The following KDSR variants were observed in gnomAD, a reference collection of about 807,000 sequenced individuals.
The protein encoded by KDSR is 3-dehydrosphinganine reductase.
In KDSR, 23 loss-of-function variants were observed where a neutral mutation model predicts 41.3. The observed-to-expected ratio is 0.56, with a 90% CI of 0.40 to 0.79. The LOEUF (loss-of-function observed/expected upper bound fraction) is 0.79, where lower values mean the gene tolerates loss of function less well. Among genes scored for constraint, KDSR ranks in the 30% least tolerant of loss-of-function variants. The pLI is 0.00. For synonymous variants in KDSR, 138 were observed against 151.7 expected, an observed-to-expected ratio of 0.91 and a Z score of 0.66; for missense variants, 351 against 416.8, an observed-to-expected ratio of 0.84 and a Z score of 1.37.
rs754932693 is a variant in KDSR, at chr18:63,331,891, A to G, written c.890T>C (p.Met297Thr). 1 of 1,613,772 alleles carries G rather than the reference A, an allele frequency of 6.2e-7. No homozygotes were observed. The highest frequency in any genetic ancestry group is 1.7e-5 in the Admixed American group (1 of 59,984). ...CAAAGCAATAGTGCGGAAAAGGCCC[A>G]TGGTGACCACCTGCAAGATAAAGAG... Reference protein sequence around the residue: ...ITEGLQQVVTMGLFRTIALFY... With the variant: ...ITEGLQQVVTTGLFRTIALFY... The change falls in exon 10 of 10, where the codon ATG (methionine) becomes ACG (threonine). Residue 297 changes from methionine to threonine, a missense_variant. Coordinates refer to ENST00000645214, the MANE Select transcript of KDSR (RefSeq NM_002035.4).
At chr18:63,347,290 G>T (rs892667355) in intron 6 of KDSR, among the ~76,000 whole-genome samples, 25 of 152,014 alleles carry the variant, frequency 1.6e-4, no homozygotes, top group African/African-American at 5.8e-4. Context: ...GATCACCTGA[G>T]TTCAAGACCA....
At chr18:63,344,323 G>T in intron 7 of KDSR, 87 bp downstream of exon 7, 1 of 881,918 alleles carries the variant, frequency 1.1e-6, no homozygotes, top group Non-Finnish European at 1.8e-6. Flanking sequence ...GTTGATTGGT[G>T]AAAACGAGTG....
intron 7 of KDSR, among the ~76,000 whole-genome samples, chr18:63,343,930 C>T (rs911219944): frequency 6.6e-6 from 1 of 152,064 alleles, no homozygotes; most frequent in Non-Finnish European, 1.5e-5. Flanking sequence ...ATAATCTCAG[C>T]ACCTGGGAGG....
Position 63,350,976 on chromosome 18 carries a change from T to A in KDSR, c.521A>T (p.Gln174Leu), listed in dbSNP as rs750894162. Reference protein sequence around the residue: ...RVGRIVFVSSQAGQLGLFGFT... With the variant: ...RVGRIVFVSSLAGQLGLFGFT... ...ACCGAATAATCCCAACTGTCCTGCC[T>A]GGGAGGACACAAACACGATCCTGCC... is the stretch of plus-strand genomic sequence containing the variant. Residue 174 changes from glutamine (Q) to leucine (L), a missense_variant, in exon 6 of 10, where the codon CAG becomes CTG. By Grantham distance (113) the Gln-to-Leu change is moderately radical (BLOSUM62 -2). Coordinates refer to ENST00000645214, the MANE Select transcript of KDSR (RefSeq NM_002035.4). 8.7e-6 allele frequency: 14 copies of A among 1,613,934 alleles called. No individual in the cohort carries two copies. The African/African-American group carries it at 1.3e-4, about 15-fold the overall frequency.
intron 2 of KDSR, among the ~76,000 whole-genome samples, chr18:63,361,939 C>G (rs1706165950): frequency 1.3e-5 from 2 of 152,200 alleles, no homozygotes; most frequent in South Asian, 4.1e-4. Context: ...AGCCCTCCAC[C>G]CATTTGAGGA....
In KDSR at chr18:63,331,756, C is replaced by T; in HGVS notation, c.*26G>A. 1 of 1,602,882 alleles carries T rather than the reference C, an allele frequency of 6.2e-7. No homozygotes were observed. Among genetic ancestry groups the T allele is most frequent in the Non-Finnish European group, 8.5e-7 (1 of 1,174,092 alleles). On this transcript the variant is annotated 3_prime_UTR_variant, in exon 10 of 10. Transcript: ENST00000645214. The stretch of plus-strand genomic sequence containing the variant: ...GCAAGCTGTTCAAATTATTTGGAAA[C>T]AGTCTTCTTCCAAGGGGTAAGAAGA...
intron 3 of KDSR, among the ~76,000 whole-genome samples, chr18:63,357,594 A>ATATTTTTT (rs1555715128): frequency 7.6e-4 from 92 of 120,764 alleles, no homozygotes; most frequent in South Asian, 2.2e-3. Context: ...ATATATATAT[A>ATATTTTTT]TTTTTTTTTG....
In KDSR at chr18:63,337,094, T is replaced by TTA. The variant is rs369862895; in HGVS notation, c.777+1704_777+1705dup. Among the ~76,000 whole-genome samples, 54 of 38,694 alleles carry TTA rather than the reference T, an allele frequency of 1.4e-3. 1 individual carries two copies. The highest frequency in any genetic ancestry group is 5.6e-3 in the South Asian group (9 of 1,618). The allele number at this position is 38,694 out of a possible 152,430, so 25.4% of individuals were successfully genotyped here. On this transcript the variant is annotated intron_variant, in intron 8 of 9. Coordinates refer to ENST00000645214, the MANE Select transcript of KDSR (RefSeq NM_002035.4). ...ACTTTATATATATATATATGTGACTTTATATATATATATATGTGAATATAT... is the reference window on the plus strand; with the variant it reads ...ACTTTATATATATATATATGTGACTTTATATATATATATATATGTGAATATAT...
chr18:63,359,178 C>CAAAAAAAAAAAAAAAAAAAAAAAAGAA, intron 3 of KDSR, among the ~76,000 whole-genome samples: 1 of 37,082 alleles, frequency 2.7e-5, no homozygotes, highest in Non-Finnish European at 5.4e-5. Context: ...GACACTGCCT[C>CAAAAAAAAAAAAAAAAAAAAAAAAGAA]AAAAAAAAAA....
chr18:63,337,094 T>TATATATATATA (rs1568275938), intron 8 of KDSR, among the ~76,000 whole-genome samples: 1 of 38,702 alleles, frequency 2.6e-5, no homozygotes, highest in African/African-American at 6.6e-5. Flanking sequence ...ATATGTGACT[T>TATATATATATA]TATATATATA....
intron 8 of KDSR, among the ~76,000 whole-genome samples, chr18:63,336,184 C>T (rs1914150357): frequency 2.0e-5 from 3 of 152,312 alleles, no homozygotes; most frequent in Admixed American, 6.5e-5. Flanking sequence ...CATGCACCAC[C>T]ACACCCGGGT....
chr18:63,359,602 C>A, intron 3 of KDSR, 134 bp downstream of exon 3: 1 of 647,042 alleles, frequency 1.5e-6, no homozygotes, highest in Non-Finnish European at 2.8e-6. Flanking sequence ...CTAGACCATT[C>A]AAACAATTCC....
Position 63,335,125 on chromosome 18 carries a change from T to C in KDSR, c.879+132A>G, listed in dbSNP as rs903474670. ...CTGGTGGAGGAAGAGGAAAAGTTGA[T>C]AGCTCCATAAAAATACATTGTCAAA... On this transcript the variant is annotated intron_variant, in intron 9 of 9. Transcript: ENST00000645214. 5 of 603,462 alleles carry C rather than the reference T, an allele frequency of 8.3e-6. No homozygotes were observed. In the African/African-American group the frequency reaches 9.3e-5, roughly 11 times the overall value. 37.4% of individuals were successfully genotyped at this position (603,462 alleles called of 1,614,324 possible).
chr18:63,350,203 A>G (rs1203839455), intron 6 of KDSR, among the ~76,000 whole-genome samples: 2 of 152,194 alleles, frequency 1.3e-5, no homozygotes, highest in Non-Finnish European at 2.9e-5. Flanking sequence ...CCTGTGTGAC[A>G]ATAATGTGGA....
Position 63,365,856 on chromosome 18 carries a change from G to C in KDSR, c.108+1155C>G, listed in dbSNP as rs567154630. 45 of 152,360 alleles carry C rather than the reference G, an allele frequency of 3.0e-4. 1 individual carries two copies. The highest frequency in any genetic ancestry group is 9.9e-4 in the African/African-American group (41 of 41,584). 9.4% of individuals were successfully genotyped at this position (152,360 alleles called of 1,614,324 possible). A position where few individuals can be genotyped will look rare whatever the true frequency, so the allele number is the denominator to read the frequency against. On this transcript the variant is annotated intron_variant, in intron 1 of 9. Transcript: ENST00000645214. The stretch of plus-strand genomic sequence containing the variant: ...CCACACTCTTTCCCCATTAGGAACA[G>C]GAGGTGTTGGAAAAAGCTAATAGCT...
At chr18:63,356,314 G>T (rs578214869) in intron 3 of KDSR, among the ~76,000 whole-genome samples, 6 of 151,864 alleles carry the variant, frequency 4.0e-5, no homozygotes, top group Non-Finnish European at 8.8e-5. Flanking sequence ...CAGGAGAATT[G>T]CTTGACCCTG....
intron 8 of KDSR, among the ~76,000 whole-genome samples, chr18:63,337,113 A>AATATATATATATATAT (rs139383635): frequency 2.3e-5 from 3 of 127,772 alleles, no homozygotes; most frequent in African/African-American, 9.6e-5. Context: ...TATATATGTG[A>AATATATATATATATAT]ATATATATAT....
Position 63,359,718 on chromosome 18 carries a change from C to A in KDSR, c.255+18G>T. On this transcript the variant is annotated intron_variant, in intron 3 of 9. Coordinates refer to ENST00000645214, the MANE Select transcript of KDSR (RefSeq NM_002035.4). ...TGCTGAGTTATACAGAAAATGCATT[C>A]TGAAGACAGAGATTTACCTGTTTGT... The A allele has an allele frequency of 6.5e-7, 1 of 1,546,216 alleles. No individual in the cohort carries two copies. The highest frequency in any genetic ancestry group is 8.9e-7 in the Non-Finnish European group (1 of 1,120,244).
At position 63,367,096 on chromosome 18, in the gene KDSR, A is replaced by C; in HGVS notation, c.23T>G (p.Phe8Cys). The change falls in exon 1 of 10, where the codon TTC (phenylalanine) becomes TGC (cysteine). Residue 8 changes from phenylalanine (F) to cysteine (C), a missense_variant. By Grantham distance (205) the Phe-to-Cys change is radical. Transcript: ENST00000645214. The part of the protein sequence containing the change: MLLLAAA[F>C]LVAFVLLLYM... ...CAGCAGCAGCACGAAGGCCACGAGG[A>C]AGGCGGCAGCCAGCAGCAGCATCGC... 1 of 1,334,370 alleles carries C rather than the reference A, an allele frequency of 7.5e-7. No individual in the cohort carries two copies. The highest frequency in any genetic ancestry group is 9.6e-7 in the Non-Finnish European group (1 of 1,038,506). 82.7% of individuals were successfully genotyped at this position (1,334,370 alleles called of 1,614,324 possible).
Sources: gnomAD v4.1 joint callset for allele counts (sites outside exome capture counted in the v4.1 genomes callset) on GRCh38, gnomAD v4.1.1 for gene constraint, MANE v1.5 for transcripts, NCBI Gene and HGNC (gene_info 2026-07-23, HGNC 2026-07-21) for gene names.